The following ELMOD1 variants were observed in gnomAD, a reference collection of about 807,000 sequenced individuals.
ELMOD1 encodes ELMO domain containing 1, also known as ELMO domain-containing protein 1.
In ELMOD1, 21 loss-of-function variants were observed where a neutral mutation model predicts 46.7. The observed-to-expected ratio is 0.45, with a 90% CI of 0.32 to 0.65. The LOEUF (loss-of-function observed/expected upper bound fraction) is 0.65. ELMOD1 is among the 30% of genes least tolerant of loss of function. ELMOD1 has a pLI of 0.04. For missense variants in ELMOD1, 348 were observed against 407.8 expected (o/e 0.85, Z 1.26); for synonymous variants, 122 against 138.2 (o/e 0.88, Z 0.82).
chr11:107,633,683 T>C (rs1866180620), intron 5 of ELMOD1, among the ~76,000 whole-genome samples: 1 of 152,148 alleles, frequency 6.6e-6, no homozygotes, highest in South Asian at 2.1e-4. Context: ...TGCCCGCCTC[T>C]GCCTCCCAAA....
At chr11:107,659,790 G>A (rs549482043) in intron 11 of ELMOD1, among the ~76,000 whole-genome samples, 26 of 152,058 alleles carry the variant, frequency 1.7e-4, no homozygotes, top group African/African-American at 4.8e-4. Context: ...GGCCAGGCGC[G>A]GTGGCTCACA....
intron 7 of ELMOD1, among the ~76,000 whole-genome samples, chr11:107,649,916 T>C (rs1866496061): frequency 6.6e-6 from 1 of 152,188 alleles, no homozygotes; most frequent in Non-Finnish European, 1.5e-5. Context: ...CCAATGAATA[T>C]TTGAAACATA....
intron 6 of ELMOD1, chr11:107,643,765 G>A (rs58817705): frequency 4.4e-4 from 203 of 458,852 alleles, no homozygotes; most frequent in Middle Eastern, 8.4e-4. Flanking sequence ...GTTCTGTTGC[G>A]TATACTGCTG....
chr11:107,660,208 G>A (rs905095010), intron 11 of ELMOD1, among the ~76,000 whole-genome samples: 2 of 152,158 alleles, frequency 1.3e-5, no homozygotes, highest in Non-Finnish European at 2.9e-5. Context: ...ACCAAATGCA[G>A]TGAAGCAAAA....
At chr11:107,661,579 C>T (rs1866740819) in intron 11 of ELMOD1, among the ~76,000 whole-genome samples, 1 of 151,844 alleles carries the variant, frequency 6.6e-6, no homozygotes, top group Admixed American at 6.6e-5. Context: ...AGCTCAGAGA[C>T]CAGTCAGGAA....
chr11:107,643,015 G>A (rs974595587), intron 6 of ELMOD1: 2 of 234,102 alleles, frequency 8.5e-6, no homozygotes, highest in Admixed American at 6.1e-5. Context: ...AAAATGTTTC[G>A]TTTTCATATT....
chr11:107,623,201 T>C (rs553816138), intron 2 of ELMOD1: 1 of 152,244 alleles, frequency 6.6e-6, no homozygotes, highest in East Asian at 1.9e-4. Context: ...TTTTAAATTA[T>C]TTTGCTCCCT....
intron 1 of ELMOD1, among the ~76,000 whole-genome samples, chr11:107,615,985 CTTTTTTTTTTTTTTTTTTTT>C (rs57135460): frequency 4.1e-5 from 3 of 74,048 alleles, no homozygotes; most frequent in South Asian, 5.9e-4. Context: ...CAGGTTTTTC[CTTTTTTTTTTTTTTTTTTTT>C]TTTTTTTTGA....
At chr11:107,613,761 C>T (rs1865817402) in intron 1 of ELMOD1, among the ~76,000 whole-genome samples, 1 of 152,094 alleles carries the variant, frequency 6.6e-6, no homozygotes, top group South Asian at 2.1e-4. Context: ...TCTTTACTAC[C>T]TTAGTTGCAT....
intron 1 of ELMOD1, among the ~76,000 whole-genome samples, chr11:107,598,625 C>G (rs1038485764): frequency 2.0e-5 from 3 of 152,232 alleles, no homozygotes; most frequent in Admixed American, 2.0e-4. Context: ...TTTCCCCAAA[C>G]CTCCTTGCAC....
At chr11:107,628,659 G>A (rs531931133) in intron 2 of ELMOD1, among the ~76,000 whole-genome samples, 6 of 151,378 alleles carry the variant, frequency 4.0e-5, no homozygotes, top group East Asian at 1.9e-4. Flanking sequence ...TTGTCTTTCC[G>A]CAGAATCTGG....
At chr11:107,635,200 G>A (rs1397652376) in intron 5 of ELMOD1, among the ~76,000 whole-genome samples, 1 of 152,126 alleles carries the variant, frequency 6.6e-6, no homozygotes, top group Non-Finnish European at 1.5e-5. Context: ...ACCACCTGGG[G>A]GGTGCTATAT....
intron 2 of ELMOD1, among the ~76,000 whole-genome samples, chr11:107,626,017 A>G (rs988783078): frequency 6.6e-6 from 1 of 152,236 alleles, no homozygotes; most frequent in Non-Finnish European, 1.5e-5. Context: ...AGTTATTAGA[A>G]AGAGGAGGTG....
intron 6 of ELMOD1, among the ~76,000 whole-genome samples, chr11:107,636,286 A>G (rs1176892423): frequency 2.0e-5 from 3 of 152,242 alleles, no homozygotes; most frequent in Non-Finnish European, 4.4e-5. Flanking sequence ...TGGAGAAATA[A>G]TGTGGAGTTA....
At chr11:107,622,091 C>T (rs72990734) in intron 2 of ELMOD1, among the ~76,000 whole-genome samples, 6 of 152,020 alleles carry the variant, frequency 3.9e-5, no homozygotes, top group African/African-American at 1.4e-4. Flanking sequence ...AGAGACGAGG[C>T]GTATGCATAC....
chr11:107,600,817 TC>T (rs1865584520), intron 1 of ELMOD1: 2 of 152,396 alleles, frequency 1.3e-5, no homozygotes, highest in East Asian at 3.9e-4. Flanking sequence ...TTTTGGGAAT[TC>T]CTCTACTTGT....
intron 6 of ELMOD1, chr11:107,643,754 TG>T: frequency 1.3e-5 from 6 of 479,578 alleles, no homozygotes; most frequent in South Asian, 9.9e-5. Context: ...TTGACTCTTA[TG>T]TTCTGTTGCG....
chr11:107,629,397 A>G (rs1347009160), intron 2 of ELMOD1, among the ~76,000 whole-genome samples: 1 of 152,246 alleles, frequency 6.6e-6, no homozygotes, highest in Non-Finnish European at 1.5e-5. Context: ...AGGAAGTAAT[A>G]TAAATAATTC....
At chr11:107,604,073 G>A (rs1000916387) in intron 1 of ELMOD1, among the ~76,000 whole-genome samples, 3 of 150,326 alleles carry the variant, frequency 2.0e-5, no homozygotes, top group Non-Finnish European at 2.9e-5. Context: ...TAGAGCATAC[G>A]CTGCCTTCAA....
Sources: allele counts gnomAD v4.1 joint callset (sites outside exome capture counted in the v4.1 genomes callset), GRCh38; gene constraint gnomAD v4.1.1; transcripts MANE v1.5; gene names NCBI Gene and HGNC (gene_info 2026-07-23, HGNC 2026-07-21).